UIMC1: variants seen among roughly 807,000 people sequenced by gnomAD.
UIMC1 encodes the protein ubiquitin interaction motif containing 1.
In UIMC1, 42 loss-of-function variants were observed where a neutral mutation model predicts 84.9. That is an observed-to-expected ratio of 0.49 (90% CI 0.39 to 0.64). The LOEUF (loss-of-function observed/expected upper bound fraction) is 0.64, where lower values mean the gene tolerates loss of function less well. Ranked by LOEUF, UIMC1 falls within the 30% of genes least tolerant of loss-of-function variation. UIMC1 has a pLI of 0.00. For missense variants in UIMC1, 825 were observed against 847.6 expected (o/e 0.97, Z 0.33); for synonymous variants, 281 against 293.0 (o/e 0.96, Z 0.42).
At chr5:176,950,478 T>C (rs1765725876) in intron 9 of UIMC1, among the ~76,000 whole-genome samples, 1 of 152,130 alleles carries the variant, frequency 6.6e-6, no homozygotes, top group Admixed American at 6.5e-5. Flanking sequence ...ACTGAGGAAT[T>C]TGGCTCTCAG....
chr5:176,947,363 T>TA (rs1333622751), intron 9 of UIMC1, among the ~76,000 whole-genome samples: 3 of 152,120 alleles, frequency 2.0e-5, no homozygotes. Flanking sequence ...TATATATATA[T>TA]TTTTTAAGTT....
intron 9 of UIMC1, among the ~76,000 whole-genome samples, chr5:176,951,119 T>C (rs1765832234): frequency 6.6e-6 from 1 of 152,230 alleles, no homozygotes; most frequent in African/African-American, 2.4e-5. Context: ...CTGTTACTTA[T>C]TGGTACATAA....
intron 4 of UIMC1, chr5:176,970,445 C>A (rs1018988911): frequency 1.3e-4 from 53 of 405,580 alleles, no homozygotes; most frequent in Non-Finnish European, 1.9e-4. Flanking sequence ...TTGCTGCCTT[C>A]TGGTTCTTGG....
At position 177,003,213 on chromosome 5, in the gene UIMC1, A is replaced by C. The variant is rs534693325; in HGVS notation, c.-9+3437T>G. The stretch of plus-strand genomic sequence containing the variant: ...TAAATGCATACCCACACACACACAC[A>C]TATAAACACACACCCTTGATATTTT... On this transcript the variant is annotated intron_variant, in intron 1 of 14. Transcript: ENST00000511320. Among the ~76,000 whole-genome samples the C allele has an allele frequency of 2.0e-5, 3 of 151,692 alleles. No homozygotes were observed. In the South Asian group the frequency reaches 6.2e-4, roughly 31 times the overall value.
chr5:176,921,622 A>G (rs1283635775), intron 10 of UIMC1, among the ~76,000 whole-genome samples: 1 of 152,170 alleles, frequency 6.6e-6, no homozygotes, highest in African/African-American at 2.4e-5. Context: ...CTCACACTCC[A>G]ATAAATCCTG....
rs939935826 is a variant in UIMC1 at position 176,975,380 on chromosome 5, C to T, written c.232+16G>A. On this transcript the variant is annotated intron_variant, in intron 3 of 14. Coordinates refer to ENST00000511320, the MANE Select transcript of UIMC1 (RefSeq NM_001199298.2). ...ATTACAATTCCCAAACCATTATCAA[C>T]AAAATGAAAACATACGTGCGATTTT... 7.4e-6 allele frequency: 12 copies of T among 1,612,770 alleles called. No individual in the cohort carries two copies. The highest frequency in any genetic ancestry group is 9.3e-6 in the Non-Finnish European group (11 of 1,179,024).
intron 1 of UIMC1, chr5:177,001,951 CA>C (rs34048093): frequency 4.7e-3 from 292 of 62,558 alleles, no homozygotes; most frequent in African/African-American, 0.014. Flanking sequence ...CTCTGTTTCC[CA>C]AAAAAAAAAA....
At chr5:176,986,807 G>A (rs933842568) in intron 1 of UIMC1, among the ~76,000 whole-genome samples, 6 of 152,010 alleles carry the variant, frequency 3.9e-5, no homozygotes, top group South Asian at 2.1e-4. Context: ...TATACTTAGG[G>A]TTCTAGGCAG....
At chr5:177,002,416 T>C (rs940021079) in intron 1 of UIMC1, among the ~76,000 whole-genome samples, 7 of 152,230 alleles carry the variant, frequency 4.6e-5, no homozygotes, top group Non-Finnish European at 8.8e-5. Flanking sequence ...CATACCTTGG[T>C]GGTACTTACA....
chr5:176,994,301 AAAAC>A (rs1773281084), intron 1 of UIMC1, among the ~76,000 whole-genome samples: 1 of 152,052 alleles, frequency 6.6e-6, no homozygotes, highest in Admixed American at 6.6e-5. Context: ...CCAATAAGGA[AAAAC>A]AAACAGATAT....
chr5:176,926,372 T>G (rs561010962), intron 10 of UIMC1, among the ~76,000 whole-genome samples: 2 of 152,248 alleles, frequency 1.3e-5, no homozygotes, highest in African/African-American at 4.8e-5. Context: ...TCAAGCTCAG[T>G]GGCTCAATTC....
chr5:176,970,513 T>TA (rs1190094393), intron 4 of UIMC1: 3 of 570,344 alleles, frequency 5.3e-6, no homozygotes, highest in African/African-American at 3.8e-5. Flanking sequence ...AACCATGAAC[T>TA]AAAAAATCCA....
chr5:176,999,184 A>G (rs1328212815), intron 1 of UIMC1, among the ~76,000 whole-genome samples: 1 of 152,196 alleles, frequency 6.6e-6, no homozygotes, highest in Non-Finnish European at 1.5e-5. Context: ...AAAAATAATA[A>G]TAATAATCCT....
rs77399301 is a variant in UIMC1 at position 177,013,082 on chromosome 5, A to G, written c.-9+9382T>C. Among the ~76,000 whole-genome samples, 4 of 97,820 alleles carry G rather than the reference A, an allele frequency of 4.1e-5. No individual in the cohort carries two copies. In the South Asian group the frequency reaches 1.4e-3, roughly 35 times the overall value. The allele number at this position is 97,820 out of a possible 152,430, so 64.2% of individuals were successfully genotyped here. A position where few individuals can be genotyped will look rare whatever the true frequency, so the allele number is the denominator to read the frequency against. The stretch of plus-strand genomic sequence containing the variant: ...GGTGACAGACGGAGATCTTGTATCA[A>G]AAAAAAAAAAAGGGCCAGGCACAGT... On this transcript the variant is annotated intron_variant, in intron 1 of 5. Transcript: ENST00000509236.
rs575809734 is a variant in UIMC1, at chr5:176,937,594, C to T, written c.1597+5741G>A. Among the ~76,000 whole-genome samples the T allele has an allele frequency of 3.9e-5, 6 of 152,318 alleles. No individual in the cohort carries two copies. The East Asian group carries it at 9.6e-4, about 24-fold the overall frequency. On this transcript the variant is annotated intron_variant, in intron 10 of 14. Coordinates refer to ENST00000511320, the MANE Select transcript of UIMC1 (RefSeq NM_001199298.2). ...CAAAAAACTGAGTAGACTGAGCCAA[C>T]TTAACCAGTGCGTAGTATTATAATC...
chr5:176,932,738 C>T (rs1194460596), intron 10 of UIMC1, among the ~76,000 whole-genome samples: 4 of 152,156 alleles, frequency 2.6e-5, no homozygotes, highest in South Asian at 2.1e-4. Context: ...TCTGGAGATA[C>T]ATCCCAGTTC....
intron 9 of UIMC1, among the ~76,000 whole-genome samples, chr5:176,946,046 A>C (rs1449741992): frequency 6.6e-6 from 1 of 152,122 alleles, no homozygotes; most frequent in Admixed American, 6.6e-5. Context: ...CTCACCTCAT[A>C]ATCAAATGGC....
chr5:176,943,588 AG>A, intron 9 of UIMC1, 100 bp from the exon 10 acceptor site: 1 of 1,409,230 alleles, frequency 7.1e-7, no homozygotes, highest in Non-Finnish European at 9.7e-7. Context: ...TTACTTTCAA[AG>A]AGACAACAAC....
chr5:176,963,848 TA>T (rs113881796), intron 6 of UIMC1, among the ~76,000 whole-genome samples: 19,813 of 144,614 alleles, frequency 0.14, 3,006 homozygotes, highest in African/African-American at 0.38. Context: ...TCATTTCTGA[TA>T]AAAAAAAAAA....
Sources: gnomAD v4.1 joint callset for allele counts (sites outside exome capture counted in the v4.1 genomes callset) on GRCh38, gnomAD v4.1.1 for gene constraint, MANE v1.5 for transcripts, NCBI Gene and HGNC (gene_info 2026-07-23, HGNC 2026-07-21) for gene names.